The following TNS3 variants were observed in gnomAD, a reference collection of about 807,000 sequenced individuals.
TNS3 encodes the protein tensin-3.
A neutral mutation model predicts 140.9 loss-of-function variants in TNS3; 45 were observed. That is an observed-to-expected ratio of 0.32 (90% CI 0.25 to 0.41). The LOEUF is 0.41. Among genes scored for constraint, TNS3 ranks in the 10% least tolerant of loss-of-function variants. TNS3 has a pLI of 1.00. For synonymous variants in TNS3, 815 were observed against 788.4 expected (o/e 1.03, Z -0.56); for missense variants, 1,716 against 1,906.7 (o/e 0.90, Z 1.86).
At position 47,529,094 on chromosome 7, in the gene TNS3, T is replaced by C. The variant is rs1562833705; in HGVS notation, c.-211A>G. The C allele has an allele frequency of 3.1e-6, 4 of 1,289,116 alleles. No homozygotes were observed. Among genetic ancestry groups the C allele is most frequent in the Non-Finnish European group, 3.0e-6 (3 of 988,740 alleles). The allele number at this position is 1,289,116 out of a possible 1,614,324, so 79.9% of individuals were successfully genotyped here. A position where few individuals can be genotyped will look rare whatever the true frequency, so the allele number is the denominator to read the frequency against. On this transcript the variant is annotated 5_prime_UTR_variant, in exon 2 of 31. Coordinates refer to ENST00000311160, the MANE Select transcript of TNS3 (RefSeq NM_022748.12). ...GTTTGCAAACTCCACACACTTTGGA[T>C]TTTTTAAAGGCCTTGTTCTTAAAAG...
chr7:47,314,199 T>C (rs1163677599), intron 20 of TNS3, among the ~76,000 whole-genome samples: 1 of 152,128 alleles, frequency 6.6e-6, no homozygotes, highest in African/African-American at 2.4e-5. Flanking sequence ...GTCAGTGCAG[T>C]CACTTCCAGT....
intron 26 of TNS3, 33 bp downstream of exon 26, chr7:47,292,795 C>A (rs771720583): frequency 7.5e-6 from 12 of 1,601,284 alleles, no homozygotes; most frequent in Non-Finnish European, 1.0e-5. Context: ...AGACAATCTA[C>A]ACAGAGCCTG....
At position 47,303,059 on chromosome 7, in the gene TNS3, G is replaced by A. The variant is rs189767246; in HGVS notation, c.3348C>T (p.Pro1116=). Residue 1116 remains proline, a synonymous_variant, in exon 22 of 31, where the codon CCC becomes CCT. Coordinates refer to ENST00000311160, the MANE Select transcript of TNS3 (RefSeq NM_022748.12). ...EGDRSLGSVS[P]SSSGFSSPHS... is the part of the protein sequence containing the mutation. ...GCGGGCTGGAGAAGCCACTGGAGGA[G>A]GGAGAGACTGAGCCCAAAGAACGAT... The A allele has an allele frequency of 8.7e-6, 14 of 1,614,216 alleles. No homozygotes were observed. Among genetic ancestry groups the A allele is most frequent in the Middle Eastern group, 3.3e-4 (2 of 6,062 alleles).
intron 1 of TNS3, among the ~76,000 whole-genome samples, chr7:47,571,340 A>T (rs1174955787): frequency 6.6e-6 from 1 of 152,198 alleles, no homozygotes; most frequent in Non-Finnish European, 1.5e-5. Context: ...AACAAGTGGC[A>T]GGGACGAGAA....
intron 1 of TNS3, among the ~76,000 whole-genome samples, chr7:47,573,426 T>C (rs949134483): frequency 6.6e-5 from 10 of 152,154 alleles, no homozygotes; most frequent in Non-Finnish European, 1.0e-4. Flanking sequence ...ACAAGCGCCA[T>C]GGAAAGTTGT....
At chr7:47,460,404 T>C (rs1163391449) in intron 4 of TNS3, among the ~76,000 whole-genome samples, 1 of 152,132 alleles carries the variant, frequency 6.6e-6, no homozygotes, top group Non-Finnish European at 1.5e-5. Context: ...TAACCGCCCA[T>C]TGCTGCAGCT....
At chr7:47,520,134 A>G (rs1798920406) in intron 2 of TNS3, among the ~76,000 whole-genome samples, 1 of 151,640 alleles carries the variant, frequency 6.6e-6, no homozygotes, top group Non-Finnish European at 1.5e-5. Context: ...CGCTCCTCAC[A>G]TTTCTTAACA....
chr7:47,525,657 T>A (rs1297241745), intron 2 of TNS3, among the ~76,000 whole-genome samples: 3 of 152,220 alleles, frequency 2.0e-5, no homozygotes, highest in Non-Finnish European at 2.9e-5. Flanking sequence ...GTGGAATATC[T>A]GTGCGCTCAA....
intron 2 of TNS3, among the ~76,000 whole-genome samples, chr7:47,512,387 T>C (rs1043712303): frequency 3.3e-5 from 5 of 152,144 alleles, no homozygotes; most frequent in African/African-American, 1.2e-4. Flanking sequence ...TCCCCTTCTG[T>C]AATTAGGAGT....
intron 4 of TNS3, among the ~76,000 whole-genome samples, chr7:47,442,696 G>C (rs1466799747): frequency 3.9e-5 from 6 of 152,184 alleles, no homozygotes; most frequent in Non-Finnish European, 5.9e-5. Flanking sequence ...GATGGCAGAG[G>C]TGAATGGGGA....
intron 17 of TNS3, among the ~76,000 whole-genome samples, chr7:47,355,853 C>T (rs1211433849): frequency 6.6e-6 from 1 of 152,112 alleles, no homozygotes; most frequent in East Asian, 1.9e-4. Flanking sequence ...GGCCCTGAGG[C>T]TCTGCTGGGA....
At position 47,437,317 on chromosome 7, in the gene TNS3, T is replaced by C. The variant is rs1438537512; in HGVS notation, c.151-4A>G. ...TCTTTTCTGAAAGGTTTAATACCTA[T>C]AAAAGAGAGGAAAAATTGCCTTGCA... is the stretch of plus-strand genomic sequence containing the variant. On this transcript the variant is annotated splice_polypyrimidine_tract_variant and splice_region_variant and intron_variant, in intron 6 of 30. Transcript: ENST00000311160. 9 of 1,376,058 alleles carry C rather than the reference T, an allele frequency of 6.5e-6. No individual in the cohort carries two copies. Among genetic ancestry groups the C allele is most frequent in the South Asian group, 2.2e-5 (1 of 45,396 alleles). The allele number at this position is 1,376,058 out of a possible 1,614,324, so 85.2% of individuals were successfully genotyped here. A position where few individuals can be genotyped will look rare whatever the true frequency, so the allele number is the denominator to read the frequency against.
At chr7:47,552,264 G>A (rs918951268) in intron 1 of TNS3, among the ~76,000 whole-genome samples, 2 of 152,164 alleles carry the variant, frequency 1.3e-5, no homozygotes, top group African/African-American at 4.8e-5. Context: ...TGGCACATGA[G>A]TGAAGGCGAG....
chr7:47,276,755 G>T lies in TNS3; in HGVS notation c.*1321C>A, dbSNP rs1369950346. 1 of 152,200 alleles carries T rather than the reference G, an allele frequency of 6.6e-6. No individual in the cohort carries two copies. Among genetic ancestry groups the T allele is most frequent in the Admixed American group, 6.5e-5 (1 of 15,276 alleles). The allele number at this position is 152,200 out of a possible 1,614,324, so 9.4% of individuals were successfully genotyped here. A position where few individuals can be genotyped will look rare whatever the true frequency, so the allele number is the denominator to read the frequency against. ...ACTTGATTCAGTGGCTTAGATGATG[G>T]CAAACAGTGGCACTCAAAAACAGCT... On this transcript the variant is annotated 3_prime_UTR_variant, in exon 31 of 31. Transcript: ENST00000311160.
chr7:47,430,872 C>A (rs1489492061), intron 8 of TNS3, among the ~76,000 whole-genome samples: 1 of 152,004 alleles, frequency 6.6e-6, no homozygotes, highest in Non-Finnish European at 1.5e-5. Flanking sequence ...AGGTGCATGC[C>A]ACCACACCCA....
At chr7:47,566,037 AAAAAAGATT>A (rs1364502146) in intron 1 of TNS3, among the ~76,000 whole-genome samples, 1 of 152,096 alleles carries the variant, frequency 6.6e-6, no homozygotes, top group Non-Finnish European at 1.5e-5. Context: ...TACATATTGG[AAAAAAGATT>A]AATCCAGATG....
intron 1 of TNS3, among the ~76,000 whole-genome samples, chr7:47,532,279 G>A (rs968713858): frequency 2.0e-5 from 3 of 152,286 alleles, no homozygotes; most frequent in East Asian, 1.9e-4. Flanking sequence ...GGCTGGGGAC[G>A]GGCTGCCAGT....
At chr7:47,493,488 C>T (rs55938910) in intron 3 of TNS3, among the ~76,000 whole-genome samples, 10,593 of 152,068 alleles carry the variant, frequency 0.07, 1,169 homozygotes, top group African/African-American at 0.23. Flanking sequence ...ACATGATGAA[C>T]AGTTTGGGTT....
intron 4 of TNS3, among the ~76,000 whole-genome samples, chr7:47,447,078 A>G (rs184654806): frequency 1.2e-5 from 1 of 83,116 alleles, no homozygotes; most frequent in African/African-American, 3.3e-5. Flanking sequence ...AATGAGGTCA[A>G]TGAGGTCACT....
Sources: gnomAD v4.1 joint callset for allele counts (sites outside exome capture counted in the v4.1 genomes callset) on GRCh38, gnomAD v4.1.1 for gene constraint, MANE v1.5 for transcripts, NCBI Gene and HGNC (gene_info 2026-07-23, HGNC 2026-07-21) for gene names.